Variants in RIPOR1 observed in about 807,000 individuals in gnomAD.
RIPOR1 encodes the protein RHO family interacting cell polarization regulator 1.
Under a neutral mutation model 116.5 loss-of-function variants are expected in RIPOR1, and 58 were observed. The observed-to-expected ratio is 0.50, with a 90% CI of 0.40 to 0.62. RIPOR1 has a LOEUF of 0.62. Among genes scored for constraint, RIPOR1 ranks in the 20% least tolerant of loss-of-function variants. The pLI is 0.00. For synonymous variants in RIPOR1, 605 were observed against 650.0 expected (o/e 0.93, Z 1.05); for missense variants, 1,372 against 1,586.2 (o/e 0.86, Z 2.29).
intron 1 of RIPOR1, among the ~76,000 whole-genome samples, chr16:67,536,060 T>A (rs1347830742): frequency 1.3e-5 from 2 of 151,984 alleles, no homozygotes; most frequent in African/African-American, 4.8e-5. Flanking sequence ...AGCAAGAGTG[T>A]TTATGGGATG....
Position 67,542,994 on chromosome 16 carries a change from C to T in RIPOR1, c.2208C>T (p.Pro736=), listed in dbSNP as rs1218769512. ...GTCCTGCCCATTCCAGTAGGAAACC[C>T]CTCACAAGCCCTGCCCCAGATCCCT... ...HPSPAHSSRK[P]LTSPAPDPSE... is the part of the protein sequence containing the mutation. Residue 736 remains proline, a synonymous_variant, in exon 13 of 22, where the codon CCC becomes CCT. Coordinates refer to ENST00000042381, the MANE Select transcript of RIPOR1 (RefSeq NM_024519.4). The surrounding 1 kb of genome is among the most constrained non-coding windows in gnomAD (Gnocchi z 4.6). The T allele has an allele frequency of 1.3e-6, 2 of 1,568,906 alleles. No homozygotes were observed. Among genetic ancestry groups the T allele is most frequent in the African/African-American group, 1.4e-5 (1 of 73,740 alleles).
rs1044179757 is a variant in RIPOR1, at chr16:67,530,106, C to G, written c.-24+1192C>G. 1.0e-5 allele frequency: 6 copies of G among 579,588 alleles called. No homozygotes were observed. Among genetic ancestry groups the G allele is most frequent in the African/African-American group, 3.7e-5 (2 of 53,370 alleles). 35.9% of individuals were successfully genotyped at this position (579,588 alleles called of 1,614,324 possible). On this transcript the variant is annotated intron_variant, in intron 1 of 21. Coordinates refer to ENST00000042381, the MANE Select transcript of RIPOR1 (RefSeq NM_024519.4). The surrounding 1 kb of genome is among the most constrained non-coding windows in gnomAD (Gnocchi z 4.5). Reference sequence around the variant, plus strand: ...GAGCAAGGTGAGCCGCCCCAGGGGTCTGGGTTTGGGTGCGGGTGAGGGGAG... The same window carrying G: ...GAGCAAGGTGAGCCGCCCCAGGGGTGTGGGTTTGGGTGCGGGTGAGGGGAG...
rs752677665 is a variant in RIPOR1, at chr16:67,540,024, C to T, written c.415-29C>T. On this transcript the variant is annotated intron_variant, in intron 6 of 21. Transcript: ENST00000042381. This position sits in a 1 kb window ranked among gnomAD's most constrained non-coding sequence, Gnocchi z 4.7. ...TAACCCCAGAGGTGAGTCTCAGTCC[C>T]CCTACTGTCACCCCACTCACCTTCC... 1 of 1,613,986 alleles carries T rather than the reference C, an allele frequency of 6.2e-7. No homozygotes were observed. Among genetic ancestry groups the T allele is most frequent in the Admixed American group, 1.7e-5 (1 of 60,006 alleles).
At chr16:67,522,080 T>C (rs2050499293) in intron 1 of RIPOR1, among the ~76,000 whole-genome samples, 2 of 151,674 alleles carry the variant, frequency 1.3e-5, no homozygotes, top group Admixed American at 1.3e-4. Flanking sequence ...CAGGCTGGAG[T>C]GCAGTGGTGC....
rs201157660 is a variant in RIPOR1 at position 67,538,691 on chromosome 16, C to T, written c.124C>T (p.Pro42Ser). 316 of 1,612,944 alleles carry T rather than the reference C, an allele frequency of 2.0e-4. No individual in the cohort carries two copies. Among genetic ancestry groups the T allele is most frequent in the Non-Finnish European group, 2.1e-4 (248 of 1,179,816 alleles). Residue 42 changes from proline to serine, a missense_variant, in exon 3 of 22, where the codon CCG becomes TCG. Pro to Ser is a moderately conservative substitution (Grantham distance 74, BLOSUM62 -1). Transcript: ENST00000042381. Reference protein sequence around the residue: ...RGPRSFPVFSPPGPPRKPPAL... With the variant: ...RGPRSFPVFSSPGPPRKPPAL... ...CTTCAGGAGTTTCCCGGTCTTCAGC[C>T]CGCCGGGGCCCCCACGGAAGCCCCC... is the stretch of plus-strand genomic sequence containing the variant.
rs1448360760 is a variant in RIPOR1 at position 67,540,735 on chromosome 16, C to T, written c.801+31C>T. The stretch of plus-strand genomic sequence containing the variant: ...GTCTCTGCCCAGGACGGCAGGCCAC[C>T]ATGGCCCTGTGAACCCCTTGTGACC... On this transcript the variant is annotated intron_variant, in intron 10 of 21. Coordinates refer to ENST00000042381, the MANE Select transcript of RIPOR1 (RefSeq NM_024519.4). The surrounding 1 kb of genome is among the most constrained non-coding windows in gnomAD (Gnocchi z 4.7). 2 of 1,554,432 alleles carry T rather than the reference C, an allele frequency of 1.3e-6. No homozygotes were observed. The highest frequency in any genetic ancestry group is 2.2e-5 in the East Asian group (1 of 44,458).
At chr16:67,538,957 C>A (rs1330731311) in intron 3 of RIPOR1, 33 bp from the exon 4 acceptor site, 2 of 1,612,996 alleles carry the variant, frequency 1.2e-6, no homozygotes, top group Admixed American at 3.3e-5. Flanking sequence ...GCTGGAGAGC[C>A]GAGTTCATTC....
chr16:67,520,873 G>C (rs1597609417), intron 1 of RIPOR1, among the ~76,000 whole-genome samples: 2 of 152,084 alleles, frequency 1.3e-5, no homozygotes, highest in Non-Finnish European at 2.9e-5. Context: ...CATGAAGGGA[G>C]ATAGCCAGAG....
upstream of RIPOR1, among the ~76,000 whole-genome samples, chr16:67,527,847 C>T (rs899814164): frequency 2.9e-3 from 404 of 141,640 alleles, 2 homozygotes; most frequent in African/African-American, 0.01. Flanking sequence ...CAGTGACACT[C>T]TGTCTCAAAA....
At chr16:67,538,123 G>A in intron 1 of RIPOR1, 1 of 329,166 alleles carries the variant, frequency 3.0e-6, no homozygotes, top group African/African-American at 2.1e-5. Context: ...CCCCTTTCCT[G>A]CCCCTTCCCA....
rs768188095 is a variant in RIPOR1 at position 67,545,628 on chromosome 16, C to A, written c.3191-36C>A. The A allele has an allele frequency of 6.4e-7, 1 of 1,572,676 alleles. No homozygotes were observed. The highest frequency in any genetic ancestry group is 1.4e-5 in the African/African-American group (1 of 74,010). ...ACCTCGGGGGCTCCTCACCCTGCCA[C>A]CTTGCCCACCCACCCACCATATCCC... On this transcript the variant is annotated intron_variant, in intron 18 of 21. Coordinates refer to ENST00000042381, the MANE Select transcript of RIPOR1 (RefSeq NM_024519.4). The surrounding 1 kb of genome is among the most constrained non-coding windows in gnomAD (Gnocchi z 4.8).
chr16:67,540,046 T>C lies in RIPOR1; in HGVS notation c.415-7T>C, dbSNP rs2050928673. 7.4e-6 allele frequency: 12 copies of C among 1,614,162 alleles called. No homozygotes were observed. Among genetic ancestry groups the C allele is most frequent in the Non-Finnish European group, 1.0e-5 (12 of 1,179,996 alleles). ...TCCCCCTACTGTCACCCCACTCACC[T>C]TCCCAGATCGATGAGCTGTATGAGG... is the stretch of plus-strand genomic sequence containing the variant. On this transcript the variant is annotated splice_polypyrimidine_tract_variant and splice_region_variant and intron_variant, in intron 6 of 21. Transcript: ENST00000042381. The surrounding 1 kb of genome is among the most constrained non-coding windows in gnomAD (Gnocchi z 4.7).
chr16:67,524,887 C>T (rs957233731), upstream of RIPOR1, among the ~76,000 whole-genome samples: 1 of 152,256 alleles, frequency 6.6e-6, no homozygotes, highest in Non-Finnish European at 1.5e-5. Context: ...TACACACACA[C>T]AGTGCCTGAG....
In RIPOR1 at chr16:67,546,568, G is replaced by T. The variant is rs995226204; in HGVS notation, c.*105G>T. On this transcript the variant is annotated 3_prime_UTR_variant, in exon 22 of 22. Transcript: ENST00000042381. ...TGGCTCCAGATACCCCTCCCCCACA[G>T]ATTCCTAGCAATGAAAATCTAATAT... is the stretch of plus-strand genomic sequence containing the variant. The T allele has an allele frequency of 1.1e-5, 9 of 833,474 alleles. No homozygotes were observed. Among genetic ancestry groups the T allele is most frequent in the Non-Finnish European group, 3.8e-6 (2 of 521,546 alleles). 51.6% of individuals were successfully genotyped at this position (833,474 alleles called of 1,614,324 possible). A position where few individuals can be genotyped will look rare whatever the true frequency, so the allele number is the denominator to read the frequency against.
Position 67,541,674 on chromosome 16 carries a change from G to T in RIPOR1, c.972G>T (p.Gln324His). The T allele has an allele frequency of 1.2e-6, 2 of 1,614,022 alleles. No homozygotes were observed. The highest frequency in any genetic ancestry group is 2.7e-5 in the African/African-American group (2 of 74,996). The part of the protein sequence containing the change: ...VTWSPFDKDD[Q>H]PSAASSVNKA... ...CCAGCCCCTTCGACAAGGATGACCA[G>T]CCCTCAGCTGCTTCTTCTGTCAACA... is the stretch of plus-strand genomic sequence containing the variant. The change falls in exon 12 of 22, where the codon CAG becomes CAT. Residue 324 changes from glutamine to histidine, a missense_variant. Physicochemically the swap from Gln to His is conservative, Grantham distance 24 (BLOSUM62 0). Coordinates refer to ENST00000042381, the MANE Select transcript of RIPOR1 (RefSeq NM_024519.4). This position sits in a 1 kb window ranked among gnomAD's most constrained non-coding sequence, Gnocchi z 4.6.
chr16:67,537,479 G>C lies in RIPOR1; in HGVS notation c.-23-945G>C. 1 of 1,253,116 alleles carries C rather than the reference G, an allele frequency of 8.0e-7. No individual in the cohort carries two copies. The highest frequency in any genetic ancestry group is 1.0e-6 in the Non-Finnish European group (1 of 997,770). 77.6% of individuals were successfully genotyped at this position (1,253,116 alleles called of 1,614,324 possible). A position where few individuals can be genotyped will look rare whatever the true frequency, so the allele number is the denominator to read the frequency against. On this transcript the variant is annotated intron_variant, in intron 1 of 21. Coordinates refer to ENST00000042381, the MANE Select transcript of RIPOR1 (RefSeq NM_024519.4). The surrounding 1 kb of genome is among the most constrained non-coding windows in gnomAD (Gnocchi z 4.6). ...GAGGAGCCGAAGCCGAGCCAGAGCC[G>C]CTGGGAGCGAGCCCGGAGCCCAGCC... is the stretch of plus-strand genomic sequence containing the variant.
chr16:67,544,512 T>G lies in RIPOR1; in HGVS notation c.2733+81T>G. The stretch of plus-strand genomic sequence containing the variant: ...CCTGCCCTTCCATCCTGGTCCTCTA[T>G]ACCTCCTCTGAGTGCCACACCCCAG... On this transcript the variant is annotated intron_variant, in intron 15 of 21. Transcript: ENST00000042381. The surrounding 1 kb of genome is among the most constrained non-coding windows in gnomAD (Gnocchi z 5.1). The G allele has an allele frequency of 6.5e-7, 1 of 1,548,130 alleles. No individual in the cohort carries two copies. Among genetic ancestry groups the G allele is most frequent in the Non-Finnish European group, 8.7e-7 (1 of 1,143,740 alleles).
chr16:67,544,545 GGGCCCTTGGCATCT>G lies in RIPOR1; in HGVS notation c.2733+123_2734-128del. On this transcript the variant is annotated intron_variant, in intron 15 of 21. Coordinates refer to ENST00000042381, the MANE Select transcript of RIPOR1 (RefSeq NM_024519.4). The surrounding 1 kb of genome is among the most constrained non-coding windows in gnomAD (Gnocchi z 5.1). ...CTGAGTGCCACACCCCAGTGCCCCA[GGGCCCTTGGCATCT>G]GGCCCTTGCTGAATGGAGTATCTCC... 3 of 1,535,594 alleles carry G rather than the reference GGGCCCTTGGCATCT, an allele frequency of 2.0e-6. No individual in the cohort carries two copies. The highest frequency in any genetic ancestry group is 2.7e-5 in the African/African-American group (2 of 73,786).
rs2051177451 is a variant in RIPOR1, at chr16:67,546,574, T to C, written c.*111T>C. The stretch of plus-strand genomic sequence containing the variant: ...CAGATACCCCTCCCCCACAGATTCC[T>C]AGCAATGAAAATCTAATATATTCTT... On this transcript the variant is annotated 3_prime_UTR_variant, in exon 22 of 22. Coordinates refer to ENST00000042381, the MANE Select transcript of RIPOR1 (RefSeq NM_024519.4). 5 of 801,438 alleles carry C rather than the reference T, an allele frequency of 6.2e-6. No homozygotes were observed. In the South Asian group the frequency reaches 8.4e-5, roughly 13 times the overall value. The allele number at this position is 801,438 out of a possible 1,614,324, so 49.6% of individuals were successfully genotyped here.
Sources: allele counts gnomAD v4.1 joint callset (sites outside exome capture counted in the v4.1 genomes callset), GRCh38; gene constraint gnomAD v4.1.1; non-coding constraint Gnocchi (gnomAD v3.1); transcripts MANE v1.5; gene names NCBI Gene and HGNC (gene_info 2026-07-23, HGNC 2026-07-21).